Variants in FAM210A observed in about 807,000 individuals in gnomAD.
The protein encoded by FAM210A is mitochondrial inner membrane scaffold 1.
Under a neutral mutation model 25.3 loss-of-function variants are expected in FAM210A, and 13 were observed. That is an observed-to-expected ratio of 0.51 (90% confidence interval 0.33 to 0.82). The LOEUF (loss-of-function observed/expected upper bound fraction) is 0.82, where lower values mean the gene tolerates loss of function less well. Ranked by LOEUF, FAM210A falls within the 40% of genes least tolerant of loss-of-function variation. The pLI is 0.02. For missense variants in FAM210A, 319 were observed against 323.2 expected, an observed-to-expected ratio of 0.99 and a Z score of 0.10; for synonymous variants, 125 against 118.7, an observed-to-expected ratio of 1.05 and a Z score of -0.35.
rs758344817 is a variant in FAM210A at position 13,681,967 on chromosome 18, A to C, written c.111T>G (p.Leu37=). 1 of 1,614,180 alleles carries C rather than the reference A, an allele frequency of 6.2e-7. No homozygotes were observed. Among genetic ancestry groups the C allele is most frequent in the Non-Finnish European group, 8.5e-7 (1 of 1,180,032 alleles). Reference sequence around the variant, plus strand: ...CCACTTTGGATTCAGCATTGTATAAAAGTAAAGGTCCCTTTACATTTTGAC... The same window carrying C: ...CCACTTTGGATTCAGCATTGTATAACAGTAAAGGTCCCTTTACATTTTGAC... ...GHCQNVKGPL[L]LYNAESKVVL... is the part of the protein sequence containing the mutation. Residue 37 remains leucine (L), a synonymous_variant, in exon 2 of 4, where the codon CTT becomes CTG. Coordinates refer to ENST00000651643, the MANE Select transcript of FAM210A (RefSeq NM_152352.4).
At chr18:13,677,502 C>CAACAG (rs1244400079) in intron 2 of FAM210A, among the ~76,000 whole-genome samples, 1 of 152,208 alleles carries the variant, frequency 6.6e-6, no homozygotes, top group Non-Finnish European at 1.5e-5. Flanking sequence ...GAACACAACA[C>CAACAG]AACAGAACAG....
intron 1 of FAM210A, among the ~76,000 whole-genome samples, chr18:13,711,727 A>G (rs1454600019): frequency 6.6e-6 from 1 of 152,162 alleles, no homozygotes; most frequent in Non-Finnish European, 1.5e-5. Flanking sequence ...TTTTATATCC[A>G]TTAGGTGATG....
At chr18:13,692,602 A>C (rs2043656057) in intron 1 of FAM210A, among the ~76,000 whole-genome samples, 1 of 152,220 alleles carries the variant, frequency 6.6e-6, no homozygotes, top group Non-Finnish European at 1.5e-5. Context: ...TAAGAAACTC[A>C]CTCAAAACTG....
rs778033376 is a variant in FAM210A at position 13,681,761 on chromosome 18, G to A, written c.317C>T (p.Pro106Leu). ...AGGATCAGGCTCTTCCTTTTTTTCCGGAGTTCCCTGAGCTGTGGCACTGGA... is the reference window on the plus strand; with the variant it reads ...AGGATCAGGCTCTTCCTTTTTTTCCAGAGTTCCCTGAGCTGTGGCACTGGA... ...FSSSATAQGT[P>L]EKKEEPDPLQ... The change falls in exon 2 of 4, where the codon CCG becomes CTG. Residue 106 changes from proline to leucine, a missense_variant. Pro to Leu is a moderately conservative substitution (Grantham distance 98). Transcript: ENST00000651643. 18 of 1,613,664 alleles carry A rather than the reference G, an allele frequency of 1.1e-5. No homozygotes were observed. The highest frequency in any genetic ancestry group is 1.3e-5 in the African/African-American group (1 of 74,800).
At chr18:13,669,511 C>T (rs1325596605) in intron 3 of FAM210A, among the ~76,000 whole-genome samples, 2 of 152,154 alleles carry the variant, frequency 1.3e-5, no homozygotes, top group Non-Finnish European at 2.9e-5. Context: ...GCTCCTCCCT[C>T]TTGGAGGAGC....
intron 1 of FAM210A, among the ~76,000 whole-genome samples, chr18:13,686,087 A>G (rs1397716675): frequency 6.6e-6 from 1 of 152,240 alleles, no homozygotes; most frequent in African/African-American, 2.4e-5. Context: ...CTAAGAGAGA[A>G]AACAAATGAC....
At chr18:13,690,254 G>C (rs900863036) in intron 1 of FAM210A, among the ~76,000 whole-genome samples, 2 of 152,220 alleles carry the variant, frequency 1.3e-5, no homozygotes, top group Non-Finnish European at 2.9e-5. Flanking sequence ...AAAGCAGCAG[G>C]GAAGCTCGAA....
intron 1 of FAM210A, among the ~76,000 whole-genome samples, chr18:13,691,105 G>A (rs995611495): frequency 3.3e-5 from 5 of 152,210 alleles, no homozygotes; most frequent in African/African-American, 1.2e-4. Context: ...ACTACGTGAC[G>A]TGTGCAAAAG....
chr18:13,676,495 C>T (rs570413398), intron 2 of FAM210A, among the ~76,000 whole-genome samples: 2 of 152,078 alleles, frequency 1.3e-5, no homozygotes, highest in East Asian at 3.9e-4. Flanking sequence ...GCCCTGGCTT[C>T]TTTATTTCGT....
chr18:13,673,477 C>A (rs1399636520), intron 2 of FAM210A, among the ~76,000 whole-genome samples: 1 of 149,804 alleles, frequency 6.7e-6, no homozygotes, highest in Non-Finnish European at 1.5e-5. Flanking sequence ...TTCTTTATTT[C>A]CAATTTCCTG....
intron 1 of FAM210A, among the ~76,000 whole-genome samples, chr18:13,694,172 T>C (rs1425686295): frequency 6.6e-6 from 1 of 152,146 alleles, no homozygotes; most frequent in Non-Finnish European, 1.5e-5. Flanking sequence ...TTACAAGGGA[T>C]GTGAAGGACC....
chr18:13,714,774 C>T lies in FAM210A; in HGVS notation c.-29+11555G>A, dbSNP rs118112209. On this transcript the variant is annotated intron_variant, in intron 1 of 3. Transcript: ENST00000651643. ...ACCTTATGCATACACCATTAAAGAG[C>T]TACAAAAATATGAGTCTGAACAGCT... 3.7e-4 allele frequency among the ~76,000 whole-genome samples: 57 copies of T among 152,214 alleles called. No individual in the cohort carries two copies. The East Asian group carries it at 0.01, about 27-fold the overall frequency.
chr18:13,694,229 C>T (rs983053825), intron 1 of FAM210A, among the ~76,000 whole-genome samples: 1 of 151,344 alleles, frequency 6.6e-6, no homozygotes, highest in Non-Finnish European at 1.5e-5. Context: ...TAAAAGAGGA[C>T]ACAAACAAAT....
intron 2 of FAM210A, among the ~76,000 whole-genome samples, chr18:13,678,504 G>A (rs910525086): frequency 4.6e-5 from 7 of 152,030 alleles, no homozygotes; most frequent in African/African-American, 1.7e-4. Context: ...TGGTTAGGCT[G>A]GTCTCGAACT....
chr18:13,690,614 G>T (rs951036151), intron 1 of FAM210A, among the ~76,000 whole-genome samples: 4 of 152,208 alleles, frequency 2.6e-5, no homozygotes, highest in Non-Finnish European at 5.9e-5. Flanking sequence ...CTGTTCTGCA[G>T]CCTCTGCTGG....
chr18:13,717,996 CAT>C (rs1466471477), intron 1 of FAM210A, among the ~76,000 whole-genome samples: 1 of 152,306 alleles, frequency 6.6e-6, no homozygotes, highest in East Asian at 1.9e-4. Flanking sequence ...CGCCCTCACT[CAT>C]ATAGGCACAA....
At chr18:13,680,359 G>A (rs1409732379) in intron 2 of FAM210A, among the ~76,000 whole-genome samples, 2 of 152,064 alleles carry the variant, frequency 1.3e-5, no homozygotes, top group Admixed American at 6.5e-5. Context: ...AGAATCTTCT[G>A]CAAGGAAAGA....
intron 1 of FAM210A, among the ~76,000 whole-genome samples, chr18:13,709,119 C>T (rs1267484581): frequency 1.1e-4 from 17 of 152,348 alleles, no homozygotes; most frequent in South Asian, 4.1e-4. Context: ...TGCTCAGAAA[C>T]TATTCCATAC....
At position 13,681,662 on chromosome 18, in the gene FAM210A, G is replaced by A. The variant is rs915255851; in HGVS notation, c.416C>T (p.Pro139Leu). Reference sequence around the variant, plus strand: ...AACACCAGAAGTTATTAGATGCACTGGAATCAGAACTTTTCCATACTGTCT... The same window carrying A: ...AACACCAGAAGTTATTAGATGCACTAGAATCAGAACTTTTCCATACTGTCT... ...TFRQYGKVLI[P>L]VHLITSGVWF... Residue 139 changes from proline to leucine, a missense_variant, in exon 2 of 4, where the codon CCA (proline) becomes CTA (leucine). Pro to Leu is a moderately conservative substitution (Grantham distance 98, BLOSUM62 -3). Coordinates refer to ENST00000651643, the MANE Select transcript of FAM210A (RefSeq NM_152352.4). 6.2e-7 allele frequency: 1 copy of A among 1,613,284 alleles called. No homozygotes were observed. Among genetic ancestry groups the A allele is most frequent in the Non-Finnish European group, 8.5e-7 (1 of 1,179,812 alleles).
Sources: allele counts gnomAD v4.1 joint callset (sites outside exome capture counted in the v4.1 genomes callset), GRCh38; gene constraint gnomAD v4.1.1; transcripts MANE v1.5; gene names NCBI Gene and HGNC (gene_info 2026-07-23, HGNC 2026-07-21).